RAB23: variants seen among roughly 807,000 people sequenced by gnomAD.
The protein encoded by RAB23 is RAB23, member RAS oncogene family.
A neutral mutation model predicts 30.0 loss-of-function variants in RAB23; 15 were observed. That is an observed-to-expected ratio of 0.50 (90% confidence interval 0.33 to 0.77). RAB23 has a LOEUF of 0.77. Ranked by LOEUF, RAB23 falls within the 30% of genes least tolerant of loss-of-function variation. The pLI is 0.02. For synonymous variants in RAB23, 93 were observed against 94.0 expected, an observed-to-expected ratio of 0.99 and a Z score of 0.06; for missense variants, 243 against 275.4, an observed-to-expected ratio of 0.88 and a Z score of 0.83.
chr6:57,195,406 G>A (rs1054444553), intron 4 of RAB23, among the ~76,000 whole-genome samples: 1 of 152,140 alleles, frequency 6.6e-6, no homozygotes, highest in African/African-American at 2.4e-5. Flanking sequence ...GTGGACTCCT[G>A]ATATTAATGT....
chr6:57,200,191 A>ATTT (rs750447866), intron 3 of RAB23, among the ~76,000 whole-genome samples: 1 of 143,100 alleles, frequency 7.0e-6, no homozygotes, highest in Non-Finnish European at 1.5e-5. Context: ...CACTTCAAGA[A>ATTT]TTTTTTTTTT....
At chr6:57,215,778 T>C (rs1765812918) in intron 1 of RAB23, among the ~76,000 whole-genome samples, 1 of 152,152 alleles carries the variant, frequency 6.6e-6, no homozygotes. Context: ...TGTTCTAAAC[T>C]ATGTTTGATA....
Position 57,207,632 on chromosome 6 carries a change from ATAG to A in RAB23, c.234_236del (p.Tyr79del). 1 of 1,589,462 alleles carries A rather than the reference ATAG, an allele frequency of 6.3e-7. No individual in the cohort carries two copies. Among genetic ancestry groups the A allele is most frequent in the Non-Finnish European group, 8.6e-7 (1 of 1,157,794 alleles). On this transcript the variant is annotated inframe_deletion, in exon 3 of 7. Transcript: ENST00000468148. ...TAAATAAATCCTGTGTTTTACCTCG[ATAG>A]TAGGCCTTTGTAATTGCATCAAATT...
chr6:57,207,270 G>A (rs906304776), intron 3 of RAB23, among the ~76,000 whole-genome samples: 9 of 152,114 alleles, frequency 5.9e-5, no homozygotes, highest in African/African-American at 2.2e-4. Flanking sequence ...CGTAACAAAT[G>A]CCATCTTATT....
chr6:57,218,911 G>C (rs1765950144), intron 1 of RAB23, among the ~76,000 whole-genome samples: 1 of 151,146 alleles, frequency 6.6e-6, no homozygotes, highest in South Asian at 2.1e-4. Context: ...CTGGAAGACA[G>C]ACTGCTTTCC....
At position 57,196,628 on chromosome 6, in the gene RAB23, A is replaced by G. The variant is rs752912774; in HGVS notation, c.242-22T>C. 1.6e-5 allele frequency: 25 copies of G among 1,609,216 alleles called. No individual in the cohort carries two copies. In the South Asian group the frequency reaches 2.6e-4, roughly 17 times the overall value. On this transcript the variant is annotated intron_variant, in intron 3 of 6. Transcript: ENST00000468148. ...GCTCCTGTAAGTTCACAATCAATCA[A>G]TCAATCAATCAAGGTATTTACATTA...
chr6:57,195,046 G>A (rs1033545294), intron 4 of RAB23, among the ~76,000 whole-genome samples, 194 bp from the exon 5 acceptor site: 1 of 152,080 alleles, frequency 6.6e-6, no homozygotes, highest in Non-Finnish European at 1.5e-5. Context: ...AAAATCAGTT[G>A]AAAGCTATGT....
intron 6 of RAB23, among the ~76,000 whole-genome samples, chr6:57,190,995 T>C (rs944040264): frequency 2.6e-5 from 4 of 152,198 alleles, no homozygotes; most frequent in African/African-American, 9.7e-5. Context: ...ACTGACTTAT[T>C]TCATTTAGCA....
intron 3 of RAB23, among the ~76,000 whole-genome samples, chr6:57,205,009 CATAG>C (rs759795003): frequency 4.0e-5 from 6 of 151,192 alleles, no homozygotes; most frequent in South Asian, 2.1e-4. Flanking sequence ...GACATGTTTA[CATAG>C]ATACATACAT....
intron 5 of RAB23, among the ~76,000 whole-genome samples, chr6:57,194,425 C>T (rs1003990207): frequency 1.3e-5 from 2 of 151,974 alleles, no homozygotes; most frequent in African/African-American, 4.8e-5. Context: ...ATTAAATAAA[C>T]TAACTACCTA....
At position 57,188,423 on chromosome 6, in the gene RAB23, A is replaced by AT. The variant is rs1313699747; in HGVS notation, c.*2037dup. 2 of 152,316 alleles carry AT rather than the reference A, an allele frequency of 1.3e-5. No individual in the cohort carries two copies. Among genetic ancestry groups the AT allele is most frequent in the East Asian group, 3.9e-4 (2 of 5,188 alleles). 9.4% of individuals were successfully genotyped at this position (152,316 alleles called of 1,614,324 possible). A position where few individuals can be genotyped will look rare whatever the true frequency, so the allele number is the denominator to read the frequency against. ...ACAGGAACTGTAACTATCCTCAGAG[A>AT]TTACTTTTTTTAAATATAGAAAGGT... On this transcript the variant is annotated 3_prime_UTR_variant, in exon 7 of 7. Coordinates refer to ENST00000468148, the MANE Select transcript of RAB23 (RefSeq NM_016277.5).
At chr6:57,197,216 A>G (rs1436625952) in intron 3 of RAB23, among the ~76,000 whole-genome samples, 4 of 152,130 alleles carry the variant, frequency 2.6e-5, no homozygotes, top group Non-Finnish European at 4.4e-5. Flanking sequence ...GCCAATGCCA[A>G]GAGTATATAT....
intron 3 of RAB23, among the ~76,000 whole-genome samples, chr6:57,198,818 C>CA (rs1208722744): frequency 1.3e-5 from 2 of 151,460 alleles, no homozygotes; most frequent in South Asian, 2.1e-4. Context: ...GACACTTAAC[C>CA]AAAAAAACCT....
At chr6:57,220,109 C>A (rs1765999780) in intron 1 of RAB23, among the ~76,000 whole-genome samples, 1 of 152,164 alleles carries the variant, frequency 6.6e-6, no homozygotes, top group South Asian at 2.1e-4. Context: ...AGAGACTTTG[C>A]CAGATACCTC....
intron 1 of RAB23, among the ~76,000 whole-genome samples, chr6:57,216,237 T>C (rs1357404943): frequency 6.6e-6 from 1 of 152,256 alleles, no homozygotes; most frequent in Non-Finnish European, 1.5e-5. Context: ...AAGTACATTT[T>C]AGTATGTTCA....
intron 1 of RAB23, chr6:57,221,266 C>A (rs1766048845): frequency 6.6e-6 from 1 of 152,180 alleles, no homozygotes. Flanking sequence ...AAGTTAACAG[C>A]CCTTTTCAGA....
chr6:57,205,051 T>C (rs1401172480), intron 3 of RAB23, among the ~76,000 whole-genome samples: 6 of 151,196 alleles, frequency 4.0e-5, no homozygotes, highest in African/African-American at 1.2e-4. Flanking sequence ...TATACATCTG[T>C]TTATAAATAT....
chr6:57,216,168 A>C (rs1019551336), intron 1 of RAB23, among the ~76,000 whole-genome samples: 10 of 152,228 alleles, frequency 6.6e-5, no homozygotes, highest in Non-Finnish European at 1.0e-4. Context: ...CTTAGGAGCA[A>C]TAAGCTCTAA....
At position 57,210,364 on chromosome 6, in the gene RAB23, A is replaced by G. The variant is rs757383592; in HGVS notation, c.17T>C (p.Met6Thr). MLEED[M>T]EVAIKMVVVG... ...AACCACCATCTTTATGGCGACTTCC[A>G]TATCTTCCTCCAACATTTTTGGAGC... The change falls in exon 2 of 7, where the codon ATG (methionine) becomes ACG (threonine). Residue 6 changes from methionine (M) to threonine (T), a missense_variant. Coordinates refer to ENST00000468148, the MANE Select transcript of RAB23 (RefSeq NM_016277.5). 4.2e-5 allele frequency: 67 copies of G among 1,614,128 alleles called. No homozygotes were observed. The highest frequency in any genetic ancestry group is 1.2e-4 in the South Asian group (11 of 91,082).
Sources: allele counts gnomAD v4.1 joint callset (sites outside exome capture counted in the v4.1 genomes callset), GRCh38; gene constraint gnomAD v4.1.1; transcripts MANE v1.5; gene names NCBI Gene and HGNC (gene_info 2026-07-23, HGNC 2026-07-21).